The following SYNC variants were observed in gnomAD, a reference collection of about 807,000 sequenced individuals.
SYNC encodes syncoilin.
Under a neutral mutation model 49.5 loss-of-function variants are expected in SYNC, and 38 were observed. The observed-to-expected ratio is 0.77, with a 90% CI of 0.59 to 1.01. SYNC has a LOEUF of 1.01. Among genes scored for constraint, SYNC ranks in the 50% least tolerant of loss-of-function variants. SYNC has a pLI of 0.00. For synonymous variants in SYNC, 201 were observed against 230.8 expected (o/e 0.87, Z 1.17); for missense variants, 579 against 580.6 (o/e 1.00, Z 0.03).
At chr1:32,692,708 T>G (rs537273448) in intron 2 of SYNC, among the ~76,000 whole-genome samples, 2 of 151,912 alleles carry the variant, frequency 1.3e-5, no homozygotes, top group Non-Finnish European at 2.9e-5. Flanking sequence ...ATCATGCCAC[T>G]GCACTCCACT....
chr1:32,691,423 G>A (rs1034380392), intron 2 of SYNC, among the ~76,000 whole-genome samples: 28 of 148,186 alleles, frequency 1.9e-4, no homozygotes, highest in Non-Finnish European at 4.0e-4. Flanking sequence ...CATGGTGTTA[G>A]GCGCCTGTAA....
chr1:32,700,965 G>A (rs1023893107), intron 1 of SYNC, among the ~76,000 whole-genome samples: 1 of 151,900 alleles, frequency 6.6e-6, no homozygotes, highest in Non-Finnish European at 1.5e-5. Flanking sequence ...GCCCAGGCTG[G>A]AGTGCAATGG....
At chr1:32,690,664 A>T (rs1241635199) in intron 2 of SYNC, among the ~76,000 whole-genome samples, 1 of 149,510 alleles carries the variant, frequency 6.7e-6, no homozygotes, top group Non-Finnish European at 1.5e-5. Flanking sequence ...AAAAAAAAAA[A>T]GTAGAGAGGC....
At chr1:32,692,059 C>T (rs181341525) in intron 2 of SYNC, among the ~76,000 whole-genome samples, 89 of 152,150 alleles carry the variant, frequency 5.8e-4, no homozygotes, top group African/African-American at 2.0e-3. Flanking sequence ...GGTGAAACCC[C>T]GTCTCTATTA....
At chr1:32,694,126 G>T (rs1043461045) in intron 2 of SYNC, among the ~76,000 whole-genome samples, 4 of 152,110 alleles carry the variant, frequency 2.6e-5, no homozygotes, top group Non-Finnish European at 5.9e-5. Context: ...CTGCTTGGGG[G>T]CTAAGGCAGG....
rs1253337915 is a variant in SYNC at position 32,680,111 on chromosome 1, T to C, written c.*1739A>G. 1 of 1,063,294 alleles carries C rather than the reference T, an allele frequency of 9.4e-7. No individual in the cohort carries two copies. The highest frequency in any genetic ancestry group is 1.7e-5 in the African/African-American group (1 of 59,280). 65.9% of individuals were successfully genotyped at this position (1,063,294 alleles called of 1,614,324 possible). A position where few individuals can be genotyped will look rare whatever the true frequency, so the allele number is the denominator to read the frequency against. ...GTATAAATACTGAAAGATGTCACTT[T>C]TATTCAGGAAATAGGGGGAGATTCA... On this transcript the variant is annotated 3_prime_UTR_variant, in exon 5 of 5. Transcript: ENST00000409190.
rs1001036403 is a variant in SYNC, at chr1:32,700,982, C to T, written c.53+1626G>A. Reference sequence around the variant, plus strand: ...CCAGGCTGGAGTGCAATGGTGTAATCTCCGCTCACTGCAGCCTCTGCCTCC... The same window carrying T: ...CCAGGCTGGAGTGCAATGGTGTAATTTCCGCTCACTGCAGCCTCTGCCTCC... On this transcript the variant is annotated intron_variant, in intron 1 of 4. Coordinates refer to ENST00000409190, the MANE Select transcript of SYNC (RefSeq NM_030786.3). Among the ~76,000 whole-genome samples the T allele has an allele frequency of 6.6e-5, 10 of 151,750 alleles. No homozygotes were observed. In the South Asian group the frequency reaches 2.1e-3, roughly 32 times the overall value.
chr1:32,693,904 G>A (rs116944775), intron 2 of SYNC, among the ~76,000 whole-genome samples: 5,840 of 152,202 alleles, frequency 0.038, 229 homozygotes, highest in East Asian at 0.11. Context: ...AGGATTTCAA[G>A]ACCAGCCTGG....
intron 2 of SYNC, among the ~76,000 whole-genome samples, chr1:32,690,186 C>T (rs142231590): frequency 6.6e-6 from 1 of 151,924 alleles, no homozygotes; most frequent in African/African-American, 2.4e-5. Context: ...GAGAAAGATT[C>T]ATTTGATAGA....
intron 2 of SYNC, among the ~76,000 whole-genome samples, chr1:32,689,387 TACC>T (rs1323660072): frequency 6.6e-6 from 1 of 151,354 alleles, no homozygotes; most frequent in East Asian, 2.0e-4. Flanking sequence ...TACAGGTGCC[TACC>T]ACCATGCCTG....
chr1:32,691,392 T>TAA (rs5773381), intron 2 of SYNC, among the ~76,000 whole-genome samples: 46 of 149,096 alleles, frequency 3.1e-4, no homozygotes, highest in Admixed American at 2.4e-3. Context: ...AGACTCCGAC[T>TAA]AAAAAAAAAT....
In SYNC at chr1:32,680,885, GTT is replaced by G. The variant is rs1553197487; in HGVS notation, c.*963_*964del. ...ACAGATTAGTCTTTGATAAGGTAAC[GTT>G]TCTTTGAAGTCTATCTGTAGAGAAC... On this transcript the variant is annotated 3_prime_UTR_variant, in exon 5 of 5. Coordinates refer to ENST00000409190, the MANE Select transcript of SYNC (RefSeq NM_030786.3). 1 of 252,624 alleles carries G rather than the reference GTT, an allele frequency of 4.0e-6. No individual in the cohort carries two copies. The highest frequency in any genetic ancestry group is 7.5e-6 in the Non-Finnish European group (1 of 133,876). 15.6% of individuals were successfully genotyped at this position (252,624 alleles called of 1,614,324 possible). A position where few individuals can be genotyped will look rare whatever the true frequency, so the allele number is the denominator to read the frequency against.
rs559084429 is a variant in SYNC, at chr1:32,680,363, T to C, written c.*1487A>G. On this transcript the variant is annotated 3_prime_UTR_variant, in exon 5 of 5. Coordinates refer to ENST00000409190, the MANE Select transcript of SYNC (RefSeq NM_030786.3). Reference sequence around the variant, plus strand: ...GTTTTTTTTTTTGTTGTTGGTTTTTTTTTTTTTTTTTTTAACTTGGGACCA... The same window carrying C: ...GTTTTTTTTTTTGTTGTTGGTTTTTCTTTTTTTTTTTTTAACTTGGGACCA... 2.0e-5 allele frequency: 23 copies of C among 1,131,646 alleles called. No individual in the cohort carries two copies. The highest frequency in any genetic ancestry group is 4.9e-5 in the Admixed American group (1 of 20,400). The allele number at this position is 1,131,646 out of a possible 1,614,324, so 70.1% of individuals were successfully genotyped here.
At chr1:32,700,472 G>T (rs1159428757) in intron 1 of SYNC, among the ~76,000 whole-genome samples, 1 of 152,172 alleles carries the variant, frequency 6.6e-6, no homozygotes, top group Non-Finnish European at 1.5e-5. Flanking sequence ...GAGGCGGGTG[G>T]ATCACCTGAG....
chr1:32,702,958 C>G, upstream of SYNC: 1 of 160,986 alleles, frequency 6.2e-6, no homozygotes, highest in Non-Finnish European at 1.3e-5. This position sits in a 1 kb window ranked among gnomAD's most constrained non-coding sequence, Gnocchi z 6.2. Context: ...ACCTTCTCTC[C>G]ACCCTTCCTT....
At chr1:32,687,852 A>ATTATTATTATTATTATTATTATTATT in intron 2 of SYNC, among the ~76,000 whole-genome samples, 1 of 31,116 alleles carries the variant, frequency 3.2e-5, no homozygotes, top group Non-Finnish European at 2.5e-4. Context: ...TATTATTATT[A>ATTATTATTATTATTATTATTATTATT]TTATTATTAT....
At chr1:32,699,877 C>T (rs1296138556) in intron 1 of SYNC, among the ~76,000 whole-genome samples, 1 of 151,770 alleles carries the variant, frequency 6.6e-6, no homozygotes, top group Non-Finnish European at 1.5e-5. Context: ...AGACTACAGG[C>T]GCCCACCACC....
chr1:32,689,481 C>A (rs6425800), intron 2 of SYNC, among the ~76,000 whole-genome samples: 130,478 of 151,268 alleles, frequency 0.86, 57,817 homozygotes, highest in Non-Finnish European at 0.96. Context: ...CCTTGTGATC[C>A]ACTGCGCCCG....
At chr1:32,689,355 C>G (rs1279660842) in intron 2 of SYNC, among the ~76,000 whole-genome samples, 1 of 144,580 alleles carries the variant, frequency 6.9e-6, no homozygotes, top group Non-Finnish European at 1.5e-5. Context: ...TATTCTGCCT[C>G]AGCCTCCTGA....
Sources: allele counts gnomAD v4.1 joint callset (sites outside exome capture counted in the v4.1 genomes callset), GRCh38; gene constraint gnomAD v4.1.1; non-coding constraint Gnocchi (gnomAD v3.1); transcripts MANE v1.5; gene names NCBI Gene and HGNC (gene_info 2026-07-23, HGNC 2026-07-21).